ADK: variants seen among roughly 807,000 people sequenced by gnomAD.
ADK encodes the protein adenosine kinase, also known as N6,N6-dimethyladenosine kinase.
ADK carries 24 observed loss-of-function variants against 44.7 expected under a neutral mutation model. The ratio of observed to expected loss-of-function variants is 0.54; its 90% CI spans 0.39 to 0.76. ADK has a LOEUF of 0.76. Among genes scored for constraint, ADK ranks in the 30% least tolerant of loss-of-function variants. The pLI, the probability that ADK is intolerant of heterozygous loss-of-function variation, is 0.00. For missense variants in ADK, 321 were observed against 425.1 expected (o/e 0.76, Z 2.15); for synonymous variants, 128 against 142.6 (o/e 0.90, Z 0.73).
chr10:74,464,606 G>T (rs1225176931), intron 6 of ADK, among the ~76,000 whole-genome samples: 1 of 152,112 alleles, frequency 6.6e-6, no homozygotes, highest in Admixed American at 6.6e-5. Context: ...GAATGATGTT[G>T]TTTTATAGTT....
At chr10:74,288,875 A>C (rs1847294218) in intron 3 of ADK, among the ~76,000 whole-genome samples, 1 of 152,172 alleles carries the variant, frequency 6.6e-6, no homozygotes, top group African/African-American at 2.4e-5. Context: ...TGCTTTCTTA[A>C]TATTCATGGA....
At chr10:74,658,609 A>T (rs1268156915) in intron 9 of ADK, among the ~76,000 whole-genome samples, 1 of 151,382 alleles carries the variant, frequency 6.6e-6, no homozygotes, top group East Asian at 1.9e-4. Context: ...CTGGCTTTTA[A>T]TTTTTTTTGT....
At chr10:74,700,729 G>C (rs11001116) in intron 10 of ADK, among the ~76,000 whole-genome samples, 15,600 of 152,170 alleles carry the variant, frequency 0.1, 1,317 homozygotes, top group African/African-American at 0.22. Flanking sequence ...AGTGAAAGTG[G>C]TTGCTTAAAG....
chr10:74,248,414 A>G (rs1179203386), intron 3 of ADK, among the ~76,000 whole-genome samples: 1 of 151,890 alleles, frequency 6.6e-6, no homozygotes, highest in Non-Finnish European at 1.5e-5. Flanking sequence ...GCTAGAGTGC[A>G]GTGGTGCAAT....
chr10:74,630,514 T>A (rs1387613812), intron 9 of ADK, among the ~76,000 whole-genome samples: 2 of 152,194 alleles, frequency 1.3e-5, no homozygotes, highest in Admixed American at 1.3e-4. Flanking sequence ...GTTTGACTGA[T>A]GTTTCCCTGT....
At chr10:74,157,439 A>G (rs1044802659) in intron 1 of ADK, among the ~76,000 whole-genome samples, 9 of 152,206 alleles carry the variant, frequency 5.9e-5, no homozygotes, top group African/African-American at 2.2e-4. Flanking sequence ...GTAGATATGA[A>G]ATAGATGGCT....
chr10:74,453,791 A>G (rs1443460932), intron 6 of ADK, among the ~76,000 whole-genome samples: 1 of 152,068 alleles, frequency 6.6e-6, no homozygotes, highest in Non-Finnish European at 1.5e-5. Flanking sequence ...GACTAATGAA[A>G]TTTTTGGTTT....
chr10:74,231,327 C>T (rs1338670597), intron 3 of ADK, among the ~76,000 whole-genome samples: 1 of 152,144 alleles, frequency 6.6e-6, no homozygotes, highest in Non-Finnish European at 1.5e-5. Flanking sequence ...TTTGAACAGT[C>T]TTATTCAGAA....
intron 2 of ADK, among the ~76,000 whole-genome samples, chr10:74,209,841 A>G (rs1843742120): frequency 6.6e-6 from 1 of 152,182 alleles, no homozygotes; most frequent in African/African-American, 2.4e-5. Context: ...AATGTGGAAC[A>G]TATGAATACC....
At chr10:74,403,018 C>G (rs180674217) in intron 6 of ADK, among the ~76,000 whole-genome samples, 1 of 152,130 alleles carries the variant, frequency 6.6e-6, no homozygotes, top group Non-Finnish European at 1.5e-5. Context: ...GAGGTCCACT[C>G]CAGACCCTGT....
intron 3 of ADK, among the ~76,000 whole-genome samples, chr10:74,303,588 G>GTTTTTTTTTTTTTTTTGTTTT (rs1840142261): frequency 2.9e-5 from 2 of 68,576 alleles, no homozygotes; most frequent in East Asian, 9.2e-4. Flanking sequence ...TTTTAATGTT[G>GTTTTTTTTTTTTTTTTGTTTT]TTTTTTTTTT....
At chr10:74,622,810 C>T (rs559231382) in intron 9 of ADK, among the ~76,000 whole-genome samples, 2 of 152,204 alleles carry the variant, frequency 1.3e-5, no homozygotes, top group Non-Finnish European at 2.9e-5. Context: ...GAATTCAAGA[C>T]CAGCCTGACC....
At chr10:74,169,361 A>G (rs1482721229) in intron 1 of ADK, among the ~76,000 whole-genome samples, 2 of 152,220 alleles carry the variant, frequency 1.3e-5, no homozygotes, top group African/African-American at 4.8e-5. Context: ...ATTCACTTCT[A>G]TAGTTTAAAA....
intron 6 of ADK, among the ~76,000 whole-genome samples, chr10:74,484,848 A>G (rs1472994452): frequency 1.3e-5 from 2 of 152,084 alleles, no homozygotes; most frequent in Non-Finnish European, 2.9e-5. Flanking sequence ...CATAACAAAA[A>G]AGTGAAATCA....
chr10:74,208,101 C>G (rs920077678), intron 2 of ADK, among the ~76,000 whole-genome samples: 1 of 152,282 alleles, frequency 6.6e-6, no homozygotes, highest in African/African-American at 2.4e-5. Flanking sequence ...TTGCTCCACC[C>G]TGGAGCAGGT....
intron 9 of ADK, chr10:74,655,314 G>A (rs975547682): frequency 2.5e-5 from 11 of 438,194 alleles, no homozygotes; most frequent in South Asian, 2.2e-4. Context: ...GAAGAAAAAA[G>A]GAACTGGAAT....
At chr10:74,684,817 G>A (rs897116943) in intron 10 of ADK, among the ~76,000 whole-genome samples, 3 of 152,076 alleles carry the variant, frequency 2.0e-5, no homozygotes, top group African/African-American at 4.8e-5. Flanking sequence ...TCCAGTTTGC[G>A]TCTTTATTAC....
At chr10:74,643,942 C>G (rs1217430229) in intron 9 of ADK, among the ~76,000 whole-genome samples, 3 of 152,164 alleles carry the variant, frequency 2.0e-5, no homozygotes, top group African/African-American at 7.2e-5. Flanking sequence ...GACTGGGTTC[C>G]AGACTTTGTC....
intron 9 of ADK, among the ~76,000 whole-genome samples, chr10:74,631,940 TTTC>T (rs1853440241): frequency 6.6e-6 from 1 of 152,284 alleles, no homozygotes; most frequent in Non-Finnish European, 1.5e-5. Flanking sequence ...CTTTTCTGTA[TTTC>T]TTCTTTTTTT....
Sources: gnomAD v4.1 joint callset for allele counts (sites outside exome capture counted in the v4.1 genomes callset) on GRCh38, gnomAD v4.1.1 for gene constraint, MANE v1.5 for transcripts, NCBI Gene and HGNC (gene_info 2026-07-23, HGNC 2026-07-21) for gene names.